The following DLG2 variants were observed in gnomAD, a reference collection of about 807,000 sequenced individuals.
DLG2 encodes the protein disks large homolog 2.
DLG2 carries 45 observed loss-of-function variants against 132.5 expected under a neutral mutation model. The ratio of observed to expected loss-of-function variants is 0.34; its 90% CI spans 0.27 to 0.44. The LOEUF is 0.44. Among genes scored for constraint, DLG2 ranks in the 20% least tolerant of loss-of-function variants. The pLI, the probability that DLG2 is intolerant of heterozygous loss-of-function variation, is 1.00. For missense variants in DLG2, 1,045 were observed against 1,196.9 expected (o/e 0.87, Z 1.87); for synonymous variants, 424 against 419.6 (o/e 1.01, Z -0.13).
At chr11:85,591,592 A>C (rs2079342378) in intron 3 of DLG2, among the ~76,000 whole-genome samples, 2 of 152,034 alleles carry the variant, frequency 1.3e-5, no homozygotes, top group African/African-American at 4.8e-5. Flanking sequence ...AAAATACAAA[A>C]ATTAGCTGGG....
At chr11:83,632,776 T>C (rs2063792690) in intron 19 of DLG2, 1 of 156,042 alleles carries the variant, frequency 6.4e-6, no homozygotes, top group Non-Finnish European at 1.4e-5. Flanking sequence ...TTTAGAAGAA[T>C]GCCGTGGATT....
In DLG2 at chr11:84,861,618, C is replaced by CAAAAAAAAAAAAAAAAAAAAAAA. The variant is rs1177657034; in HGVS notation, c.357+250042_357+250043insTTTTTTTTTTTTTTTTTTTTTTT. On this transcript the variant is annotated intron_variant, in intron 6 of 27. Transcript: ENST00000376104. ...ATTAAACTAAAGAGCTTCTACACAG[C>CAAAAAAAAAAAAAAAAAAAAAAA]AAAAAAAAAAAAAAAAAAAAACAAA... is the stretch of plus-strand genomic sequence containing the variant. Among the ~76,000 whole-genome samples the CAAAAAAAAAAAAAAAAAAAAAAA allele has an allele frequency of 2.5e-4, 9 of 35,834 alleles. 1 individual carries two copies. The highest frequency in any genetic ancestry group is 1.0e-3 in the African/African-American group (8 of 7,788). The allele number at this position is 35,834 out of a possible 152,430, so 23.5% of individuals were successfully genotyped here. A position where few individuals can be genotyped will look rare whatever the true frequency, so the allele number is the denominator to read the frequency against.
At chr11:84,767,266 T>C (rs182896573) in intron 6 of DLG2, among the ~76,000 whole-genome samples, 2 of 152,208 alleles carry the variant, frequency 1.3e-5, no homozygotes, top group East Asian at 3.9e-4. Context: ...GTCATAAAAC[T>C]ATATTGTTTT....
chr11:84,769,153 C>T (rs2068870288), intron 6 of DLG2, among the ~76,000 whole-genome samples: 1 of 152,028 alleles, frequency 6.6e-6, no homozygotes, highest in South Asian at 2.1e-4. Context: ...AATGGAAATT[C>T]AGAAATGACA....
intron 19 of DLG2, among the ~76,000 whole-genome samples, chr11:83,573,544 C>A (rs995334203): frequency 2.6e-5 from 4 of 151,966 alleles, no homozygotes; most frequent in Non-Finnish European, 4.4e-5. Context: ...ACTGCCCGTC[C>A]CAGAAAAACA....
chr11:84,822,632 A>T (rs866267355), intron 6 of DLG2, among the ~76,000 whole-genome samples: 4 of 151,914 alleles, frequency 2.6e-5, no homozygotes, highest in Non-Finnish European at 4.4e-5. Context: ...CTTTCAAAGA[A>T]CTATGTTTCT....
chr11:85,046,021 G>A lies in DLG2; in HGVS notation c.357+65640C>T, dbSNP rs117809802. Among the ~76,000 whole-genome samples, 749 of 152,066 alleles carry A rather than the reference G, an allele frequency of 4.9e-3. 2 individuals carry two copies. The highest frequency in any genetic ancestry group is 8.4e-3 in the Non-Finnish European group (568 of 67,942). On this transcript the variant is annotated intron_variant, in intron 6 of 27. Transcript: ENST00000376104. ...ACAATTTTGCTTCTTTGAGTCTCAG[G>A]TTTAGTAGGAAGCACCAAACTGCAA... is the stretch of plus-strand genomic sequence containing the variant.
intron 21 of DLG2, among the ~76,000 whole-genome samples, chr11:83,529,301 A>G (rs1161773914): frequency 6.6e-6 from 1 of 152,104 alleles, no homozygotes; most frequent in Non-Finnish European, 1.5e-5. Context: ...CTCCTGACCC[A>G]GCTTTCCCAA....
intron 11 of DLG2, among the ~76,000 whole-genome samples, chr11:83,988,187 T>C (rs1482551689): frequency 6.6e-6 from 1 of 152,100 alleles, no homozygotes; most frequent in Non-Finnish European, 1.5e-5. Context: ...ACTTTTGGCA[T>C]TTTCGTTAAG....
At chr11:85,425,037 C>CA (rs1437381269) in intron 3 of DLG2, among the ~76,000 whole-genome samples, 23 of 40,766 alleles carry the variant, frequency 5.6e-4, no homozygotes, top group East Asian at 4.9e-3. Flanking sequence ...AACAAACAAA[C>CA]AAAAAAACAA....
intron 2 of DLG2, among the ~76,000 whole-genome samples, chr11:85,604,901 G>C (rs1417184512): frequency 6.6e-6 from 1 of 152,126 alleles, no homozygotes; most frequent in Non-Finnish European, 1.5e-5. Context: ...ATTGGCAATA[G>C]TGCTAACAAA....
intron 6 of DLG2, among the ~76,000 whole-genome samples, chr11:84,750,696 T>A (rs1027452637): frequency 5.9e-5 from 9 of 152,158 alleles, no homozygotes; most frequent in Non-Finnish European, 2.9e-5. Flanking sequence ...GATCAAGGTG[T>A]TTAACATAGG....
At chr11:84,661,935 A>G (rs1253310034) in intron 6 of DLG2, among the ~76,000 whole-genome samples, 1 of 152,158 alleles carries the variant, frequency 6.6e-6, no homozygotes, top group Non-Finnish European at 1.5e-5. Flanking sequence ...GTAACAAGAC[A>G]GGGAGTAAAA....
chr11:85,014,652 T>G (rs2059419932), intron 6 of DLG2, among the ~76,000 whole-genome samples: 1 of 152,104 alleles, frequency 6.6e-6, no homozygotes, highest in East Asian at 1.9e-4. Flanking sequence ...GTTTTAACCC[T>G]CCAGAAGAAG....
At chr11:85,465,388 C>T (rs1028863548) in intron 3 of DLG2, among the ~76,000 whole-genome samples, 2 of 151,734 alleles carry the variant, frequency 1.3e-5, no homozygotes, top group Admixed American at 6.6e-5. Flanking sequence ...ATGTGCCATG[C>T]TGGTGTGCTG....
At chr11:83,678,023 G>A (rs1011709699) in intron 18 of DLG2, among the ~76,000 whole-genome samples, 1 of 152,152 alleles carries the variant, frequency 6.6e-6, no homozygotes, top group Non-Finnish European at 1.5e-5. Context: ...TAGAGATAAG[G>A]AAAATACACC....
chr11:83,814,103 T>C (rs2048150203), intron 17 of DLG2, among the ~76,000 whole-genome samples: 1 of 152,088 alleles, frequency 6.6e-6, no homozygotes, highest in Non-Finnish European at 1.5e-5. Flanking sequence ...CAAAAAAATA[T>C]TAGAACGTAT....
chr11:84,502,190 C>CTCTCTT (rs1567802580), intron 7 of DLG2, among the ~76,000 whole-genome samples: 1 of 13,240 alleles, frequency 7.6e-5, no homozygotes. Context: ...CTCTCTTTCT[C>CTCTCTT]TCTCTCTCTC....
At chr11:84,439,256 A>G (rs1178296690) in intron 7 of DLG2, among the ~76,000 whole-genome samples, 1 of 152,192 alleles carries the variant, frequency 6.6e-6, no homozygotes, top group Admixed American at 6.5e-5. Context: ...GTAAATTAAG[A>G]GAATTGGGCA....
Sources: allele counts gnomAD v4.1 joint callset (sites outside exome capture counted in the v4.1 genomes callset), GRCh38; gene constraint gnomAD v4.1.1; transcripts MANE v1.5; gene names NCBI Gene and HGNC (gene_info 2026-07-23, HGNC 2026-07-21).